USP32: variants seen among roughly 807,000 people sequenced by gnomAD.
The protein encoded by USP32 is ubiquitin carboxyl-terminal hydrolase 32.
In USP32, 59 loss-of-function variants were observed where a neutral mutation model predicts 204.8. The observed-to-expected ratio is 0.29, with a 90% CI of 0.23 to 0.36. The LOEUF (loss-of-function observed/expected upper bound fraction) is 0.36, where lower values mean the gene tolerates loss of function less well. Among genes scored for constraint, USP32 ranks in the 10% least tolerant of loss-of-function variants. The pLI is 1.00. For synonymous variants in USP32, 517 were observed against 678.4 expected, an observed-to-expected ratio of 0.76 and a Z score of 3.70; for missense variants, 1,160 against 1,946.4, an observed-to-expected ratio of 0.60 and a Z score of 7.60.
intron 1 of USP32, chr17:60,421,903 G>A: frequency 1.0e-6 from 1 of 985,556 alleles, no homozygotes; most frequent in Non-Finnish European, 1.2e-6. Flanking sequence ...CCTGTGTGAA[G>A]CGGGACCGCT....
chr17:60,197,032 T>C (rs1010938021), intron 27 of USP32, among the ~76,000 whole-genome samples: 10 of 151,482 alleles, frequency 6.6e-5, no homozygotes, highest in Admixed American at 2.6e-4. Context: ...AATACAAAAA[T>C]TAGCTGGGTG....
At chr17:60,221,788 G>C (rs2085257597) in intron 15 of USP32, among the ~76,000 whole-genome samples, 1 of 152,154 alleles carries the variant, frequency 6.6e-6, no homozygotes, top group Non-Finnish European at 1.5e-5. Context: ...ACAGGTGGAA[G>C]AGTGTTTCTT....
chr17:60,201,620 G>T (rs1179996540), intron 26 of USP32, among the ~76,000 whole-genome samples: 11 of 149,570 alleles, frequency 7.4e-5, no homozygotes, highest in Non-Finnish European at 1.2e-4. Flanking sequence ...TCATAATATT[G>T]TTTTAATTTA....
Position 60,389,811 on chromosome 17 carries a change from T to TC in USP32, c.58+2070dup, listed in dbSNP as rs200789227. On this transcript the variant is annotated intron_variant, in intron 1 of 33. Coordinates refer to ENST00000300896, the MANE Select transcript of USP32 (RefSeq NM_032582.4). ...GCGGGCAGATCACAAGGTCAGGAGA[T>TC]CCAGACCATCCCGGCTAACACGGTG... is the stretch of plus-strand genomic sequence containing the variant. Among the ~76,000 whole-genome samples the TC allele has an allele frequency of 8.3e-3, 1,259 of 151,898 alleles. 33 individuals are homozygous for TC. Among genetic ancestry groups the TC allele is most frequent in the African/African-American group, 0.028 (1,163 of 41,290 alleles).
At chr17:60,267,078 G>A (rs776872056) in intron 7 of USP32, among the ~76,000 whole-genome samples, 9 of 151,770 alleles carry the variant, frequency 5.9e-5, no homozygotes, top group South Asian at 2.1e-4. Context: ...CATGATGCAC[G>A]GTGCCAGGCC....
intron 3 of USP32, among the ~76,000 whole-genome samples, chr17:60,295,725 A>T (rs2087411376): frequency 6.6e-6 from 1 of 152,152 alleles, no homozygotes; most frequent in African/African-American, 2.4e-5. Context: ...ATTCACATAA[A>T]ACTTTTATTA....
intron 5 of USP32, among the ~76,000 whole-genome samples, chr17:60,280,819 T>G (rs1411796799): frequency 6.6e-6 from 1 of 152,238 alleles, no homozygotes; most frequent in African/African-American, 2.4e-5. Flanking sequence ...GTGAATTGTT[T>G]AGCCAGAATC....
intron 16 of USP32, among the ~76,000 whole-genome samples, chr17:60,215,122 C>T (rs1337447870): frequency 6.6e-6 from 1 of 152,086 alleles, no homozygotes; most frequent in African/African-American, 2.4e-5. Flanking sequence ...TGCACGCCAC[C>T]ACATCTGGCT....
At chr17:60,204,955 T>C (rs1257698739) in intron 26 of USP32, among the ~76,000 whole-genome samples, 1 of 146,674 alleles carries the variant, frequency 6.8e-6, no homozygotes, top group Admixed American at 6.7e-5. Context: ...AAAAAAGAAG[T>C]CTTTTTTTTT....
At chr17:60,350,803 C>T (rs2088929500) in intron 1 of USP32, among the ~76,000 whole-genome samples, 1 of 152,124 alleles carries the variant, frequency 6.6e-6, no homozygotes, top group African/African-American at 2.4e-5. Context: ...ATGTACCCTA[C>T]TCGGGTGATG....
intron 5 of USP32, among the ~76,000 whole-genome samples, chr17:60,280,864 C>A (rs899173202): frequency 6.6e-6 from 1 of 152,172 alleles, no homozygotes; most frequent in East Asian, 1.9e-4. Context: ...AAATCATAGT[C>A]ATCAAATTGT....
intron 1 of USP32, among the ~76,000 whole-genome samples, chr17:60,349,670 T>C (rs1294051233): frequency 7.7e-6 from 1 of 130,686 alleles, no homozygotes; most frequent in Non-Finnish European, 1.6e-5. Flanking sequence ...TATACACATA[T>C]ATATATACAC....
chr17:60,354,315 G>A (rs188582098), intron 1 of USP32, among the ~76,000 whole-genome samples: 1 of 152,180 alleles, frequency 6.6e-6, no homozygotes, highest in African/African-American at 2.4e-5. Flanking sequence ...AGCCAAGGCA[G>A]GACCATGCAT....
intron 11 of USP32, chr17:60,249,133 C>CT (rs2086107131): frequency 6.6e-6 from 1 of 152,154 alleles, no homozygotes; most frequent in African/African-American, 2.4e-5. Context: ...CCAATGACTG[C>CT]TGAGAGGTTG....
At chr17:60,268,578 G>GT (rs2086654627) in intron 7 of USP32, among the ~76,000 whole-genome samples, 1 of 93,756 alleles carries the variant, frequency 1.1e-5, no homozygotes, top group Non-Finnish European at 1.9e-5. Flanking sequence ...ACAAGACCCT[G>GT]TCTCAAAAAA....
At chr17:60,256,967 C>A in intron 9 of USP32, 1 of 311,380 alleles carries the variant, frequency 3.2e-6, no homozygotes. Context: ...GATAAGAACA[C>A]ACATGCAGAA....
At chr17:60,239,526 C>T (rs758195418) in intron 11 of USP32, among the ~76,000 whole-genome samples, 1 of 152,124 alleles carries the variant, frequency 6.6e-6, no homozygotes, top group Non-Finnish European at 1.5e-5. Flanking sequence ...TTCTGCTCCT[C>T]AGTCAATAAT....
In USP32 at chr17:60,204,816, C is replaced by G. The variant is rs1363578953; in HGVS notation, c.3249+631G>C. ...CTTTTTCAGACAGGGTCTTGCCCAG[C>G]CTGGAATGTGTGGGGCAAGCAAGCA... On this transcript the variant is annotated intron_variant, in intron 26 of 33. Coordinates refer to ENST00000300896, the MANE Select transcript of USP32 (RefSeq NM_032582.4). 4.6e-5 allele frequency among the ~76,000 whole-genome samples: 7 copies of G among 151,584 alleles called. No individual in the cohort carries two copies. In the South Asian group the frequency reaches 6.3e-4, roughly 14 times the overall value.
At chr17:60,409,481 A>C (rs2090002910) in intron 1 of USP32, among the ~76,000 whole-genome samples, 1 of 152,278 alleles carries the variant, frequency 6.6e-6, no homozygotes, top group African/African-American at 2.4e-5. Context: ...CCCCAGAGCA[A>C]GCAATCAGAG....
Sources: allele counts gnomAD v4.1 joint callset (sites outside exome capture counted in the v4.1 genomes callset), GRCh38; gene constraint gnomAD v4.1.1; transcripts MANE v1.5; gene names NCBI Gene and HGNC (gene_info 2026-07-23, HGNC 2026-07-21).